RBMS1: variants seen among roughly 807,000 people sequenced by gnomAD.
RBMS1 encodes the protein RNA-binding motif, single-stranded-interacting protein 1.
A neutral mutation model predicts 62.3 loss-of-function variants in RBMS1; 17 were observed. The ratio of observed to expected loss-of-function variants is 0.27; its 90% confidence interval spans 0.19 to 0.41. The LOEUF (loss-of-function observed/expected upper bound fraction) is 0.41. Among genes scored for constraint, RBMS1 ranks in the 10% least tolerant of loss-of-function variants. The pLI is 1.00. For missense variants in RBMS1, 334 were observed against 504.5 expected (o/e 0.66, Z 3.24); for synonymous variants, 172 against 170.0 (o/e 1.01, Z -0.09).
intron 1 of RBMS1, among the ~76,000 whole-genome samples, chr2:160,484,988 A>T (rs978721418): frequency 6.6e-5 from 10 of 152,226 alleles, no homozygotes; most frequent in African/African-American, 2.4e-4. Context: ...GCCAGCCTCA[A>T]GAGATGTTTG....
At chr2:160,461,626 G>A (rs554556213) in intron 1 of RBMS1, among the ~76,000 whole-genome samples, 33 of 152,328 alleles carry the variant, frequency 2.2e-4, no homozygotes, top group Admixed American at 7.8e-4. Flanking sequence ...GCCTGCAAAG[G>A]CTGCAGAAGA....
chr2:160,426,301 G>GAAAGAAAGAAAGGAAA (rs1559537559), intron 1 of RBMS1, among the ~76,000 whole-genome samples: 1 of 28,584 alleles, frequency 3.5e-5, no homozygotes, highest in Non-Finnish European at 8.1e-5. Context: ...AAAGAAAGAA[G>GAAAGAAAGAAAGGAAA]GAAGGAAGGA....
intron 2 of RBMS1, among the ~76,000 whole-genome samples, chr2:160,333,845 T>A (rs1228647063): frequency 6.6e-6 from 1 of 151,896 alleles, no homozygotes; most frequent in Non-Finnish European, 1.5e-5. Context: ...ACTCAGGAGA[T>A]AACAAACCCG....
chr2:160,441,782 G>T (rs1383802348), intron 1 of RBMS1, among the ~76,000 whole-genome samples: 2 of 152,188 alleles, frequency 1.3e-5, no homozygotes, highest in Non-Finnish European at 2.9e-5. Flanking sequence ...TTTCCACTAT[G>T]ATTAAGAATA....
intron 1 of RBMS1, among the ~76,000 whole-genome samples, chr2:160,462,107 C>T (rs1004003693): frequency 6.6e-6 from 1 of 152,198 alleles, no homozygotes; most frequent in African/African-American, 2.4e-5. Context: ...ATTTCCTTTC[C>T]AAGTTCTCCT....
At chr2:160,300,372 G>A (rs1218031925) in intron 6 of RBMS1, among the ~76,000 whole-genome samples, 1 of 152,216 alleles carries the variant, frequency 6.6e-6, no homozygotes, top group Non-Finnish European at 1.5e-5. Context: ...ACTGAGGATG[G>A]TGATAAGGTG....
chr2:160,282,490 T>A, intron 9 of RBMS1: 3 of 378,202 alleles, frequency 7.9e-6, no homozygotes, highest in South Asian at 6.2e-5. Context: ...TCACTGGATA[T>A]ATGATGGGAA....
intron 2 of RBMS1, among the ~76,000 whole-genome samples, chr2:160,334,454 A>G (rs1273805425): frequency 6.6e-6 from 1 of 152,186 alleles, no homozygotes; most frequent in Non-Finnish European, 1.5e-5. Flanking sequence ...CCTGTTCTAC[A>G]AGGAAGGAAA....
At chr2:160,399,336 T>A (rs1201970671) in intron 1 of RBMS1, among the ~76,000 whole-genome samples, 2 of 152,144 alleles carry the variant, frequency 1.3e-5, no homozygotes, top group Admixed American at 6.5e-5. Flanking sequence ...AAGGGCTTCC[T>A]GTATTTCAGT....
chr2:160,389,422 G>A (rs769626473), intron 1 of RBMS1, among the ~76,000 whole-genome samples: 4 of 152,114 alleles, frequency 2.6e-5, no homozygotes, highest in Non-Finnish European at 5.9e-5. Context: ...AGCAGGATGG[G>A]CGTGGTGGCT....
intron 1 of RBMS1, among the ~76,000 whole-genome samples, chr2:160,368,157 CCA>C (rs1693512132): frequency 6.6e-6 from 1 of 152,132 alleles, no homozygotes; most frequent in South Asian, 2.1e-4. Flanking sequence ...CTGAAAGAAA[CCA>C]CAGTTCTCTG....
chr2:160,335,502 T>C (rs1405180923), intron 2 of RBMS1, among the ~76,000 whole-genome samples: 1 of 152,184 alleles, frequency 6.6e-6, no homozygotes, highest in Non-Finnish European at 1.5e-5. Flanking sequence ...TGACAATCAA[T>C]TTCATAAGAC....
intron 1 of RBMS1, chr2:160,407,747 G>A (rs1474332130): frequency 7.1e-6 from 7 of 981,152 alleles, no homozygotes; most frequent in Non-Finnish European, 8.5e-6. Context: ...AGTACGGCGC[G>A]GCAGCGGGCG....
At chr2:160,438,990 G>A (rs1278341066) in intron 1 of RBMS1, among the ~76,000 whole-genome samples, 26 of 148,174 alleles carry the variant, frequency 1.8e-4, no homozygotes, top group African/African-American at 5.3e-4. Flanking sequence ...CTCACCTCCC[G>A]GACGGGGCGG....
intron 1 of RBMS1, among the ~76,000 whole-genome samples, chr2:160,415,754 G>A (rs906336229): frequency 3.3e-5 from 5 of 152,084 alleles, no homozygotes; most frequent in Non-Finnish European, 7.4e-5. Flanking sequence ...AGGTTTTAAA[G>A]CATTCAATAC....
In RBMS1 at chr2:160,287,009, G is replaced by A. The variant is rs1453393553; in HGVS notation, c.716C>T (p.Pro239Leu). The change falls in exon 7 of 14, where the codon CCT (proline) becomes CTT (leucine). Residue 239 changes from proline to leucine, a missense_variant. By Grantham distance (98) the Pro-to-Leu change is moderately conservative. This residue lies in a region of RBMS1 where 182 missense variants were observed against 257.7 expected (regional missense o/e 0.71). Transcript: ENST00000348849. ...TTCTCTATGCCATGGTCTTCCATTA[G>A]GGATGTATTTGTTTGGGTTCTGTCT... ...KKRQNPNKYI[P>L]NGRPWHREGE... The A allele has an allele frequency of 2.5e-6, 4 of 1,611,946 alleles. No homozygotes were observed. Among genetic ancestry groups the A allele is most frequent in the South Asian group, 1.1e-5 (1 of 91,024 alleles).
chr2:160,285,455 T>C (rs1559319756), intron 7 of RBMS1, among the ~76,000 whole-genome samples: 1 of 152,176 alleles, frequency 6.6e-6, no homozygotes, highest in East Asian at 1.9e-4. Context: ...GCATACTAGC[T>C]ACGTTTCAAG....
At chr2:160,335,202 A>AG (rs1268155638) in intron 2 of RBMS1, among the ~76,000 whole-genome samples, 3 of 152,160 alleles carry the variant, frequency 2.0e-5, no homozygotes, top group Non-Finnish European at 4.4e-5. Context: ...AACATCATTT[A>AG]GGGGGAAATT....
chr2:160,468,645 G>A (rs1331778574), intron 1 of RBMS1, among the ~76,000 whole-genome samples: 1 of 150,080 alleles, frequency 6.7e-6, no homozygotes, highest in African/African-American at 2.4e-5. Context: ...TGGTTAAAAT[G>A]TATAGATTAA....
Sources: gnomAD v4.1 joint callset for allele counts (sites outside exome capture counted in the v4.1 genomes callset) on GRCh38, gnomAD v4.1.1 for gene constraint, gnomAD v4.1.1 regional missense constraint, MANE v1.5 for transcripts, NCBI Gene and HGNC (gene_info 2026-07-23, HGNC 2026-07-21) for gene names.